The following IL7 variants were observed in gnomAD, a reference collection of about 807,000 sequenced individuals.
IL7 encodes the protein interleukin 7.
In IL7, 3 loss-of-function variants were observed where a neutral mutation model predicts 21.6. That is an observed-to-expected ratio of 0.14 (90% CI 0.06 to 0.36). IL7 has a LOEUF of 0.36. Ranked by LOEUF, IL7 falls within the 10% of genes least tolerant of loss-of-function variation. The probability of loss-of-function intolerance (pLI) is 1.00; values close to 1 mark genes in which losing one functional copy is unlikely to be tolerated. For missense variants in IL7, 175 were observed against 200.2 expected (o/e 0.87, Z 0.76); for synonymous variants, 62 against 68.1 (o/e 0.91, Z 0.44).
chr8:78,680,247 T>C (rs1288604602), intron 4 of IL7, among the ~76,000 whole-genome samples: 3 of 120,706 alleles, frequency 2.5e-5, no homozygotes, highest in African/African-American at 9.7e-5. Context: ...CAAAGTACAG[T>C]CCGCAGTCCG....
intron 3 of IL7, among the ~76,000 whole-genome samples, chr8:78,709,048 AT>A (rs1159546936): frequency 1.3e-5 from 2 of 152,180 alleles, no homozygotes; most frequent in Non-Finnish European, 2.9e-5. Context: ...CCCCATTTGA[AT>A]TGTTCCCTAG....
In IL7 at chr8:78,800,196, A is replaced by T. The variant is rs567287171; in HGVS notation, c.11-1988T>A. On this transcript the variant is annotated intron_variant, in intron 1 of 5. Transcript: ENST00000263851. ...AGCATTTGACTTTCTGAGTCATTTC[A>T]CTTAGATAATGGCCTCAAGTTTCAT... Among the ~76,000 whole-genome samples, 5 of 152,306 alleles carry T rather than the reference A, an allele frequency of 3.3e-5. No homozygotes were observed. The South Asian group carries it at 1.0e-3, about 32-fold the overall frequency.
rs575117111 is a variant in IL7, at chr8:78,696,737, G to A, written n.215-10790C>T. On this transcript the variant is annotated intron_variant and non_coding_transcript_variant, in intron 3 of 4. Transcript: ENST00000523959. ...AATTAGCTCTTTCTCTTCATATCAG[G>A]GAAATCCATAATGCAGCTGTTGTAA... 7.7e-4 allele frequency among the ~76,000 whole-genome samples: 117 copies of A among 152,232 alleles called. 5 individuals are homozygous for A. The South Asian group carries it at 0.023, about 30-fold the overall frequency.
At chr8:78,699,468 T>C (rs895391316) in intron 3 of IL7, among the ~76,000 whole-genome samples, 2 of 152,160 alleles carry the variant, frequency 1.3e-5, no homozygotes, top group Non-Finnish European at 2.9e-5. Context: ...TTTTCTTTTT[T>C]TAATTTTAAC....
intron 2 of IL7, among the ~76,000 whole-genome samples, chr8:78,756,729 GT>G: frequency 6.6e-6 from 1 of 151,636 alleles, no homozygotes; most frequent in East Asian, 1.9e-4. Context: ...CCAGCTAGTG[GT>G]TTATTTTTTA....
downstream of IL7, chr8:78,717,440 G>T: frequency 6.2e-7 from 1 of 1,608,166 alleles, no homozygotes; most frequent in Non-Finnish European, 8.5e-7. Flanking sequence ...TAAATACCCT[G>T]TAGAATGGGC....
intron 3 of IL7, among the ~76,000 whole-genome samples, chr8:78,691,216 A>G (rs549022793): frequency 6.6e-6 from 1 of 152,312 alleles, no homozygotes; most frequent in South Asian, 2.1e-4. Flanking sequence ...TGAGGGAAAT[A>G]TGTTAAAATT....
In IL7 at chr8:78,733,734, C is replaced by G; in HGVS notation, c.513G>C (p.Leu171Phe). The G allele has an allele frequency of 2.5e-6, 4 of 1,599,858 alleles. No individual in the cohort carries two copies. Among genetic ancestry groups the G allele is most frequent in the Non-Finnish European group, 3.4e-6 (4 of 1,175,302 alleles). ...TTTTTCAGTGTTCTTTAGTGCCCAT[C>G]AAAATTTTATTCCAACAAGTTTTTA... ...QEIKTCWNKI[L>F]MGTKEH is the part of the protein sequence containing the mutation. The change falls in exon 6 of 6, where the codon TTG (leucine) becomes TTC (phenylalanine). Residue 171 changes from leucine to phenylalanine, a missense_variant. Physicochemically the swap from Leu to Phe is conservative, Grantham distance 22. Coordinates refer to ENST00000263851, the MANE Select transcript of IL7 (RefSeq NM_000880.4).
At chr8:78,758,370 A>C (rs143866139) in intron 2 of IL7, among the ~76,000 whole-genome samples, 1 of 152,022 alleles carries the variant, frequency 6.6e-6, no homozygotes, top group Non-Finnish European at 1.5e-5. Flanking sequence ...ATTTATCTTT[A>C]CAGTTTGGTC....
chr8:78,693,527 C>G (rs1250951003), intron 3 of IL7, among the ~76,000 whole-genome samples: 1 of 152,106 alleles, frequency 6.6e-6, no homozygotes, highest in Non-Finnish European at 1.5e-5. Flanking sequence ...GCATAAATGT[C>G]TTCTTTTGAG....
chr8:78,689,452 G>A (rs1007395493), intron 3 of IL7: 1 of 1,329,212 alleles, frequency 7.5e-7, no homozygotes, highest in Non-Finnish European at 1.0e-6. Flanking sequence ...TGCTTTTCAT[G>A]ACATTAGACT....
intron 2 of IL7, among the ~76,000 whole-genome samples, chr8:78,788,466 C>A (rs1330447525): frequency 6.6e-6 from 1 of 151,956 alleles, no homozygotes; most frequent in East Asian, 1.9e-4. Flanking sequence ...TCTTTTGAGA[C>A]ATTTTGTTTG....
At chr8:78,741,443 A>T (rs1256585120) in intron 2 of IL7, among the ~76,000 whole-genome samples, 2 of 152,186 alleles carry the variant, frequency 1.3e-5, no homozygotes, top group African/African-American at 4.8e-5. Context: ...AATTTTTACC[A>T]TGTCATCCTT....
At chr8:78,719,169 T>C (rs965409120) in intron 5 of IL7, 2 of 151,792 alleles carry the variant, frequency 1.3e-5, no homozygotes, top group Non-Finnish European at 3.0e-5. Flanking sequence ...TCACTTCTGT[T>C]ATAAATCATA....
intron 3 of IL7, among the ~76,000 whole-genome samples, chr8:78,702,411 A>G (rs777990163): frequency 3.9e-5 from 6 of 152,122 alleles, no homozygotes; most frequent in Non-Finnish European, 5.9e-5. Context: ...ATTTTTTAAA[A>G]AGCAGCTCCT....
intron 3 of IL7, chr8:78,721,529 A>G (rs1811237719): frequency 1.3e-5 from 2 of 152,104 alleles, no homozygotes; most frequent in Admixed American, 6.6e-5. Context: ...TCTCTGCCCA[A>G]ATACCTCTAC....
intron 5 of IL7, chr8:78,719,360 G>A (rs1332087199): frequency 6.6e-6 from 1 of 151,644 alleles, no homozygotes; most frequent in Non-Finnish European, 1.5e-5. Context: ...ACATGGAGAT[G>A]AGTTGGTAAG....
chr8:78,691,867 G>A (rs540492802), intron 3 of IL7, among the ~76,000 whole-genome samples: 27 of 152,056 alleles, frequency 1.8e-4, no homozygotes, highest in Admixed American at 9.8e-4. Flanking sequence ...GATGTGTATT[G>A]TTATACTTAC....
chr8:78,709,769 G>T (rs766647946), intron 3 of IL7, among the ~76,000 whole-genome samples: 2 of 151,774 alleles, frequency 1.3e-5, no homozygotes, highest in Non-Finnish European at 2.9e-5. Flanking sequence ...TTACGAATTT[G>T]TATAGGGCCC....
Sources: gnomAD v4.1 joint callset for allele counts (sites outside exome capture counted in the v4.1 genomes callset) on GRCh38, gnomAD v4.1.1 for gene constraint, MANE v1.5 for transcripts, NCBI Gene and HGNC (gene_info 2026-07-23, HGNC 2026-07-21) for gene names.